The following NAV3 variants were observed in gnomAD, a reference collection of about 807,000 sequenced individuals.
The protein encoded by NAV3 is pore membrane and/or filament interacting like protein 1.
NAV3 carries 87 observed loss-of-function variants against 244.7 expected under a neutral mutation model. That is an observed-to-expected ratio of 0.36 (90% CI 0.30 to 0.42). NAV3 has a LOEUF of 0.42. Ranked by LOEUF, NAV3 falls within the 20% of genes least tolerant of loss-of-function variation. The pLI is 1.00. For synonymous variants in NAV3, 1,126 were observed against 1,042.2 expected (o/e 1.08, Z -1.55); for missense variants, 2,663 against 2,893.3 (o/e 0.92, Z 1.83).
intron 1 of NAV3, among the ~76,000 whole-genome samples, chr12:77,870,850 A>G (rs1414578159): frequency 6.6e-6 from 1 of 152,232 alleles, no homozygotes; most frequent in Non-Finnish European, 1.5e-5. Flanking sequence ...ATCATCCACA[A>G]CGTAGAAGCA....
At position 78,212,536 on chromosome 12, in the gene NAV3, T is replaced by C. The variant is rs890770253; in HGVS notation, c.*2019T>C. 6 of 152,608 alleles carry C rather than the reference T, an allele frequency of 3.9e-5. No individual in the cohort carries two copies. Among genetic ancestry groups the C allele is most frequent in the Non-Finnish European group, 2.9e-5 (2 of 68,046 alleles). 9.5% of individuals were successfully genotyped at this position (152,608 alleles called of 1,614,324 possible). ...CTGACTTTGAAGCCTCAAACATGGATCAAATCTGTTGTGAAACATCAATAT... is the reference window on the plus strand; with the variant it reads ...CTGACTTTGAAGCCTCAAACATGGACCAAATCTGTTGTGAAACATCAATAT... On this transcript the variant is annotated 3_prime_UTR_variant, in exon 40 of 40. Transcript: ENST00000397909.
chr12:78,048,495 G>A (rs965874661), intron 9 of NAV3, among the ~76,000 whole-genome samples: 37 of 152,164 alleles, frequency 2.4e-4, no homozygotes, highest in African/African-American at 8.9e-4. Flanking sequence ...GTCTTCTGGA[G>A]TTTGCTGGAG....
At chr12:77,669,112 A>G (rs923922530) in intron 2 of NAV3, among the ~76,000 whole-genome samples, 13 of 152,314 alleles carry the variant, frequency 8.5e-5, no homozygotes, top group Middle Eastern at 3.4e-3. Context: ...AGTCTTTTCC[A>G]AATGAAGGGA....
chr12:77,967,995 G>T (rs1302950846), intron 4 of NAV3, among the ~76,000 whole-genome samples: 1 of 152,122 alleles, frequency 6.6e-6, no homozygotes, highest in East Asian at 1.9e-4. Flanking sequence ...ATGTATAAAT[G>T]AGTTGGTGAG....
intron 1 of NAV3, among the ~76,000 whole-genome samples, chr12:77,919,008 TTTCA>T (rs1887446014): frequency 6.6e-6 from 1 of 152,044 alleles, no homozygotes; most frequent in South Asian, 2.1e-4. Context: ...GGGCAAGGTA[TTTCA>T]TTCAAACAAG....
intron 28 of NAV3, among the ~76,000 whole-genome samples, chr12:78,177,927 C>T (rs1288551424): frequency 2.1e-5 from 2 of 94,930 alleles, no homozygotes; most frequent in Non-Finnish European, 6.2e-5. Context: ...CAGTAGCCCC[C>T]CGTTATCCAC....
intron 20 of NAV3, chr12:78,145,051 A>G (rs893609106): frequency 6.4e-6 from 2 of 312,498 alleles, no homozygotes; most frequent in Non-Finnish European, 1.3e-5. Context: ...TAAGGCAATG[A>G]AACTTTTATC....
intron 8 of NAV3, among the ~76,000 whole-genome samples, chr12:78,015,542 T>C (rs1206165026): frequency 4.6e-5 from 7 of 152,122 alleles, no homozygotes. Context: ...TTTTTCCTGT[T>C]GCATTTCATT....
intron 13 of NAV3, among the ~76,000 whole-genome samples, chr12:78,117,158 CATATATATATATAT>C (rs377148138): frequency 1.4e-4 from 10 of 70,334 alleles, no homozygotes; most frequent in Admixed American, 8.3e-4. Context: ...ACAGAAGCAG[CATATATATATATAT>C]ATATATATAT....
intron 5 of NAV3, among the ~76,000 whole-genome samples, chr12:77,986,530 G>A (rs1412761032): frequency 1.3e-5 from 2 of 152,114 alleles, no homozygotes; most frequent in African/African-American, 2.4e-5. Context: ...CATTATATGA[G>A]GTTGAGGTAT....
intron 12 of NAV3, among the ~76,000 whole-genome samples, chr12:78,104,242 A>C (rs555082478): frequency 1.2e-4 from 18 of 152,334 alleles, no homozygotes; most frequent in Admixed American, 7.2e-4. Context: ...GTTGAGCCCC[A>C]GTAACATGAA....
At chr12:77,576,439 T>C (rs1869088091) in intron 2 of NAV3, among the ~76,000 whole-genome samples, 1 of 152,128 alleles carries the variant, frequency 6.6e-6, no homozygotes, top group African/African-American at 2.4e-5. Context: ...GCTTGGTGTC[T>C]GCATGTGACT....
intron 5 of NAV3, among the ~76,000 whole-genome samples, chr12:77,992,737 A>G (rs1871661029): frequency 6.6e-6 from 1 of 152,186 alleles, no homozygotes; most frequent in Non-Finnish European, 1.5e-5. Flanking sequence ...GAAAAATACC[A>G]TGCCTTTAAG....
chr12:77,907,214 G>A (rs748356863), intron 1 of NAV3, among the ~76,000 whole-genome samples: 2 of 152,208 alleles, frequency 1.3e-5, no homozygotes, highest in Non-Finnish European at 2.9e-5. Context: ...AAAGCCATGT[G>A]TGAAGGAAGA....
At chr12:78,085,239 G>C (rs1363182976) in intron 12 of NAV3, among the ~76,000 whole-genome samples, 1 of 152,104 alleles carries the variant, frequency 6.6e-6, no homozygotes, top group Non-Finnish European at 1.5e-5. Context: ...ACATGGCACA[G>C]CTGTGAATTA....
At chr12:78,046,582 T>C (rs1346894300) in intron 9 of NAV3, among the ~76,000 whole-genome samples, 1 of 152,250 alleles carries the variant, frequency 6.6e-6, no homozygotes, top group African/African-American at 2.4e-5. Context: ...TTGATTGCAC[T>C]CTGGTCTGAG....
chr12:77,985,230 T>C (rs1870282742), intron 5 of NAV3, among the ~76,000 whole-genome samples: 1 of 152,204 alleles, frequency 6.6e-6, no homozygotes, highest in South Asian at 2.1e-4. Context: ...TAAATCTTTC[T>C]GACACAGTGC....
At chr12:78,065,863 G>T (rs1434594263) in intron 12 of NAV3, among the ~76,000 whole-genome samples, 1 of 152,148 alleles carries the variant, frequency 6.6e-6, no homozygotes, top group Non-Finnish European at 1.5e-5. Context: ...ATTTGATCTG[G>T]TACAGAGAGT....
At chr12:78,065,298 T>C (rs1000485710) in intron 12 of NAV3, among the ~76,000 whole-genome samples, 5 of 152,122 alleles carry the variant, frequency 3.3e-5, no homozygotes, top group African/African-American at 9.7e-5. Flanking sequence ...TTCCCAGCCA[T>C]AGCATCACTC....
Sources: allele counts gnomAD v4.1 joint callset (sites outside exome capture counted in the v4.1 genomes callset), GRCh38; gene constraint gnomAD v4.1.1; transcripts MANE v1.5; gene names NCBI Gene and HGNC (gene_info 2026-07-23, HGNC 2026-07-21).